Variants in NAGK observed in about 807,000 individuals in gnomAD.
NAGK encodes N-acetyl-D-glucosamine kinase.
In NAGK, 35 loss-of-function variants were observed where a neutral mutation model predicts 42.9. That is an observed-to-expected ratio of 0.82 (90% CI 0.62 to 1.08). The LOEUF (loss-of-function observed/expected upper bound fraction) is 1.08, where lower values mean the gene tolerates loss of function less well. Among genes scored for constraint, NAGK ranks in the 50% least tolerant of loss-of-function variants. The probability of loss-of-function intolerance (pLI) is 0.00; values close to 1 mark genes in which losing one functional copy is unlikely to be tolerated. For synonymous variants in NAGK, 172 were observed against 176.0 expected (o/e 0.98, Z 0.18); for missense variants, 446 against 446.0 (o/e 1.00, Z 0.00).
chr2:71,071,320 C>T (rs1671993807), intron 3 of NAGK: 3 of 303,318 alleles, frequency 9.9e-6, no homozygotes, highest in Admixed American at 9.1e-5. Context: ...ACTCCCTGGA[C>T]ATATATGTGA....
intron 6 of NAGK, 127 bp downstream of exon 6, chr2:71,073,721 T>C: frequency 1.2e-6 from 1 of 812,522 alleles, no homozygotes; most frequent in Non-Finnish European, 2.1e-6. Flanking sequence ...GGGTCTGAGT[T>C]GCAGGGTGAA....
At chr2:71,072,269 G>A (rs932972173) in intron 4 of NAGK, 1 of 269,510 alleles carries the variant, frequency 3.7e-6, no homozygotes, top group African/African-American at 2.2e-5. Flanking sequence ...CTATAAAATA[G>A]AGGAAGTTGT....
At chr2:71,075,531 C>T (rs1220042399) in intron 6 of NAGK, 24 bp from the exon 7 acceptor site, 9 of 1,581,402 alleles carry the variant, frequency 5.7e-6, no homozygotes, top group Non-Finnish European at 7.8e-6. Context: ...TCTGATGACT[C>T]TCTTGTGCCC....
chr2:71,072,261 A>G (rs1488450064), intron 4 of NAGK: 6 of 265,638 alleles, frequency 2.3e-5, no homozygotes, highest in South Asian at 5.0e-5. Context: ...TTTCTCATCT[A>G]TAAAATAGAG....
At chr2:71,072,264 A>C in intron 4 of NAGK, 1 of 266,856 alleles carries the variant, frequency 3.7e-6, no homozygotes. Context: ...CTCATCTATA[A>C]AATAGAGGAA....
intron 8 of NAGK, among the ~76,000 whole-genome samples, chr2:71,077,071 G>T (rs1672238140): frequency 6.6e-6 from 1 of 152,048 alleles, no homozygotes; most frequent in Non-Finnish European, 1.5e-5. Context: ...TACCTCCCAG[G>T]TTCAAGTGAT....
At chr2:71,075,982 G>A (rs887893887) in intron 7 of NAGK, 1 of 326,816 alleles carries the variant, frequency 3.1e-6, no homozygotes. Flanking sequence ...AGAACTAGGG[G>A]ATTATAGAGA....
chr2:71,076,604 G>A lies in NAGK; in HGVS notation c.668G>A (p.Gly223Asp). The A allele has an allele frequency of 2.5e-6, 4 of 1,610,960 alleles. No individual in the cohort carries two copies. Among genetic ancestry groups the A allele is most frequent in the Non-Finnish European group, 3.4e-6 (4 of 1,177,374 alleles). ...FAGFCRKIAE[G>D]AQQGDPLSRY... ...CCTTCTTCCGTCCTCCCTACCCCAGGTGCTCAGCAGGGAGACCCCCTTTCC... is the reference window on the plus strand; with the variant it reads ...CCTTCTTCCGTCCTCCCTACCCCAGATGCTCAGCAGGGAGACCCCCTTTCC... The change falls in exon 8 of 10, where the codon GGT becomes GAT. Residue 223 changes from glycine (G) to aspartate (D), a missense_variant and splice_region_variant. Transcript: ENST00000244204.
intron 4 of NAGK, chr2:71,072,325 G>A (rs944463157): frequency 4.7e-5 from 16 of 344,056 alleles, no homozygotes; most frequent in East Asian, 4.3e-4. Context: ...CTGTGAGAAC[G>A]GGTCTAGCAC....
At chr2:71,068,542 G>A, upstream of NAGK, 1 of 1,472,944 alleles carries the variant, frequency 6.8e-7, no homozygotes. Context: ...GCCCCGCCCC[G>A]CGCATGCGCA....
chr2:71,077,029 T>A (rs1181627739), intron 8 of NAGK, among the ~76,000 whole-genome samples: 18 of 152,322 alleles, frequency 1.2e-4, no homozygotes, highest in African/African-American at 4.3e-4. Context: ...AGTAGCGTGA[T>A]CTCAGCTCAC....
At position 71,078,454 on chromosome 2, in the gene NAGK, C is replaced by T; in HGVS notation, c.981C>T (p.Leu327=). 6.2e-7 allele frequency: 1 copy of T among 1,611,618 alleles called. No homozygotes were observed. The highest frequency in any genetic ancestry group is 8.5e-7 in the Non-Finnish European group (1 of 1,178,864). Residue 327 remains leucine, a synonymous_variant, in exon 10 of 10, where the codon CTC becomes CTT. Coordinates refer to ENST00000244204, the MANE Select transcript of NAGK (RefSeq NM_017567.6). Reference sequence around the variant, plus strand: ...GGGCCAGGCACATCGGGCACCTCCTCCCCATGGACTATAGCGCCAATGCCA... The same window carrying T: ...GGGCCAGGCACATCGGGCACCTCCTTCCCATGGACTATAGCGCCAATGCCA... ...SLGARHIGHL[L]PMDYSANAIA... is the part of the protein sequence containing the mutation.
rs1054009900 is a variant in NAGK, at chr2:71,079,542, G to A, written c.*1034G>A. On this transcript the variant is annotated 3_prime_UTR_variant, in exon 10 of 10. Coordinates refer to ENST00000244204, the MANE Select transcript of NAGK (RefSeq NM_017567.6). ...CACGCCTGTAATCCCAGCACTTTGG[G>A]AGGCCGAGGCAGGTGGATCACGAGG... 1 of 152,310 alleles carries A rather than the reference G, an allele frequency of 6.6e-6. No individual in the cohort carries two copies. Among genetic ancestry groups the A allele is most frequent in the Non-Finnish European group, 1.5e-5 (1 of 68,098 alleles). 9.4% of individuals were successfully genotyped at this position (152,310 alleles called of 1,614,324 possible). A position where few individuals can be genotyped will look rare whatever the true frequency, so the allele number is the denominator to read the frequency against.
chr2:71,069,041 G>T, intron 1 of NAGK: 3 of 1,097,910 alleles, frequency 2.7e-6, no homozygotes, highest in Non-Finnish European at 3.3e-6. Flanking sequence ...CTCGGACAGA[G>T]TTTTGCAGAA....
chr2:71,072,481 C>T (rs577164732), intron 4 of NAGK, 160 bp from the exon 5 acceptor site: 6 of 597,990 alleles, frequency 1.0e-5, no homozygotes, highest in East Asian at 5.9e-5. Flanking sequence ...CAGGCTCTCA[C>T]CCTCAGGCAG....
At chr2:71,071,518 C>T in intron 3 of NAGK, 168 bp from the exon 4 acceptor site, 1 of 941,784 alleles carries the variant, frequency 1.1e-6, no homozygotes, top group Non-Finnish European at 1.5e-6. Context: ...TTCTTATAAC[C>T]ACAGCCTTCT....
intron 9 of NAGK, 89 bp from the exon 10 acceptor site, chr2:71,078,229 G>C: frequency 7.5e-7 from 1 of 1,333,114 alleles, no homozygotes; most frequent in Non-Finnish European, 1.1e-6. Context: ...AGTACCTCAG[G>C]GTCTGGGCGT....
At position 71,078,510 on chromosome 2, in the gene NAGK, G is replaced by C. The variant is rs755018585; in HGVS notation, c.*2G>C. On this transcript the variant is annotated 3_prime_UTR_variant, in exon 10 of 10. Transcript: ENST00000244204. ...TTCTATTCCTACACCTTTTCCTAGG[G>C]GGCTGGTCCCGGCTCCACCCCCTCC... 2 of 1,522,120 alleles carry C rather than the reference G, an allele frequency of 1.3e-6. No individual in the cohort carries two copies. The highest frequency in any genetic ancestry group is 1.2e-5 in the South Asian group (1 of 81,114). The allele number at this position is 1,522,120 out of a possible 1,614,324, so 94.3% of individuals were successfully genotyped here.
intron 8 of NAGK, 139 bp from the exon 9 acceptor site, chr2:71,077,419 C>G (rs1298167737): frequency 4.1e-6 from 3 of 735,810 alleles, no homozygotes; most frequent in Non-Finnish European, 4.5e-6. Flanking sequence ...TTTTTTTTTC[C>G]CCTTTCCTGA....
Sources: allele counts gnomAD v4.1 joint callset (sites outside exome capture counted in the v4.1 genomes callset), GRCh38; gene constraint gnomAD v4.1.1; transcripts MANE v1.5; gene names NCBI Gene and HGNC (gene_info 2026-07-23, HGNC 2026-07-21).